Variants in ATP9A observed in about 807,000 individuals in gnomAD.
The protein encoded by ATP9A is probable phospholipid-transporting ATPase IIA.
In ATP9A, 52 loss-of-function variants were observed where a neutral mutation model predicts 144.1. That is an observed-to-expected ratio of 0.36 (90% CI 0.29 to 0.45). The LOEUF is 0.45. Among genes scored for constraint, ATP9A ranks in the 20% least tolerant of loss-of-function variants. The probability of loss-of-function intolerance (pLI) is 1.00; values close to 1 mark genes in which losing one functional copy is unlikely to be tolerated. For missense variants in ATP9A, 947 were observed against 1,392.7 expected (o/e 0.68, Z 5.09); for synonymous variants, 582 against 557.4 (o/e 1.04, Z -0.62).
chr20:51,685,904 G>A (rs1045968397), intron 9 of ATP9A, among the ~76,000 whole-genome samples: 1 of 152,180 alleles, frequency 6.6e-6, no homozygotes, highest in Non-Finnish European at 1.5e-5. Flanking sequence ...CTGCTATAAA[G>A]ACACATGCAC....
At chr20:51,676,240 AAAG>A in intron 9 of ATP9A, 32 bp from the exon 10 acceptor site, 1 of 1,523,864 alleles carries the variant, frequency 6.6e-7, no homozygotes, top group South Asian at 1.2e-5. Context: ...AAAAAAAAGA[AAAG>A]AAATATTAAT....
At chr20:51,642,734 A>C (rs1323012449) in intron 14 of ATP9A, among the ~76,000 whole-genome samples, 13 of 35,570 alleles carry the variant, frequency 3.7e-4, no homozygotes, top group South Asian at 1.6e-3. Flanking sequence ...TCCAAAAAAA[A>C]AAAAAAAAAA....
At chr20:51,602,858 G>A (rs1249943566) in intron 27 of ATP9A, among the ~76,000 whole-genome samples, 1 of 152,088 alleles carries the variant, frequency 6.6e-6, no homozygotes, top group Non-Finnish European at 1.5e-5. Context: ...GGTATACTGT[G>A]TATCTGTTTA....
At chr20:51,678,313 C>A (rs927117000) in intron 9 of ATP9A, among the ~76,000 whole-genome samples, 2 of 152,110 alleles carry the variant, frequency 1.3e-5, no homozygotes, top group Non-Finnish European at 2.9e-5. Flanking sequence ...GCTCTCTCCC[C>A]CTCACTCTCA....
chr20:51,670,801 C>T (rs189784540), intron 12 of ATP9A, among the ~76,000 whole-genome samples: 21 of 152,234 alleles, frequency 1.4e-4, no homozygotes, highest in Admixed American at 1.2e-3. Context: ...ACTATGCGCC[C>T]GTGACAAGTC....
intron 18 of ATP9A, among the ~76,000 whole-genome samples, chr20:51,624,029 G>A (rs1164959795): frequency 6.6e-6 from 1 of 152,144 alleles, no homozygotes; most frequent in African/African-American, 2.4e-5. Context: ...AGCAGAAAAT[G>A]GAAACTCCAG....
intron 13 of ATP9A, 52 bp downstream of exon 13, chr20:51,669,945 T>TAAAA: frequency 4.8e-6 from 5 of 1,032,460 alleles, no homozygotes; most frequent in Non-Finnish European, 7.2e-6. Flanking sequence ...ATATAGCTGT[T>TAAAA]AAAAAAAAAA....
chr20:51,756,942 GAC>G (rs2077859073), intron 1 of ATP9A, among the ~76,000 whole-genome samples: 1 of 151,904 alleles, frequency 6.6e-6, no homozygotes, highest in East Asian at 1.9e-4. Context: ...GACAGGATGA[GAC>G]ACCTTAAAAG....
At position 51,601,345 on chromosome 20, in the gene ATP9A, C is replaced by T. The variant is rs377617420; in HGVS notation, c.3010G>A (p.Val1004Met). ...AATGACAAGGTGGCGATGAAGTACACATCTGCAAGGAAAGGGGAAGACGGC... is the reference window on the plus strand; with the variant it reads ...AATGACAAGGTGGCGATGAAGTACATATCTGCAAGGAAAGGGGAAGACGGC... ...SLVFLHEFID[V>M]YFIATLSFLW... is the part of the protein sequence containing the mutation. Residue 1004 changes from valine to methionine, a missense_variant and splice_region_variant, in exon 28 of 28, where the codon GTG becomes ATG. Val to Met is a conservative substitution (Grantham distance 21). Around this residue, in one of 2 missense-constraint regions of ATP9A, gnomAD observed 177 missense variants for 344.9 expected, o/e 0.51. Coordinates refer to ENST00000338821, the MANE Select transcript of ATP9A (RefSeq NM_006045.3). 4 of 1,609,866 alleles carry T rather than the reference C, an allele frequency of 2.5e-6. No individual in the cohort carries two copies. Among genetic ancestry groups the T allele is most frequent in the Non-Finnish European group, 3.4e-6 (4 of 1,177,972 alleles).
chr20:51,766,052 T>C (rs375060324), intron 1 of ATP9A, among the ~76,000 whole-genome samples: 2 of 152,316 alleles, frequency 1.3e-5, no homozygotes, highest in South Asian at 4.1e-4. Flanking sequence ...TTAAATAAAA[T>C]TATCTGCACC....
intron 3 of ATP9A, among the ~76,000 whole-genome samples, chr20:51,720,562 G>A (rs964633406): frequency 4.6e-5 from 7 of 152,138 alleles, no homozygotes; most frequent in Admixed American, 1.3e-4. Flanking sequence ...TAGGCCTAGC[G>A]CAGTGGCTCA....
intron 26 of ATP9A, among the ~76,000 whole-genome samples, chr20:51,605,481 G>A (rs144431965): frequency 0.017 from 2,582 of 152,242 alleles, 33 homozygotes; most frequent in African/African-American, 0.035. Flanking sequence ...AGCCAGGCAT[G>A]GTGGCATGCA....
rs1429773721 is a variant in ATP9A, at chr20:51,671,165, G to C, written c.1130C>G (p.Thr377Arg). The C allele has an allele frequency of 6.2e-7, 1 of 1,613,982 alleles. No individual in the cohort carries two copies. Residue 377 changes from threonine to arginine, a missense_variant, in exon 12 of 28, where the codon ACG becomes AGG. By Grantham distance (71) the Thr-to-Arg change is moderately conservative (BLOSUM62 -1). Transcript: ENST00000338821. ...AATCCTGCCCAGCTGCTCAGGAATC[G>C]TGCTGGAGCGAACCACGGTCCCGGG... is the stretch of plus-strand genomic sequence containing the variant. ...KIPGTVVRSS[T>R]IPEQLGRISY...
chr20:51,768,355 G>A lies in ATP9A; in HGVS notation c.15C>T (p.Ile5=). The A allele has an allele frequency of 7.7e-7, 1 of 1,290,576 alleles. No individual in the cohort carries two copies. The highest frequency in any genetic ancestry group is 9.9e-7 in the Non-Finnish European group (1 of 1,008,824). The allele number at this position is 1,290,576 out of a possible 1,614,324, so 79.9% of individuals were successfully genotyped here. Reference sequence around the variant, plus strand: ...TCTTCTGGCGCACCGGCTGCAGCGGGATGTTGTCCGTCATGTCGGCGGCGC... The same window carrying A: ...TCTTCTGGCGCACCGGCTGCAGCGGAATGTTGTCCGTCATGTCGGCGGCGC... MTDN[I]PLQPVRQKKR... The change falls in exon 1 of 28, where the codon ATC becomes ATT. Residue 5 remains isoleucine, a synonymous_variant. Coordinates refer to ENST00000338821, the MANE Select transcript of ATP9A (RefSeq NM_006045.3).
At chr20:51,744,578 T>C (rs1425308364) in intron 1 of ATP9A, among the ~76,000 whole-genome samples, 1 of 152,232 alleles carries the variant, frequency 6.6e-6, no homozygotes, top group Non-Finnish European at 1.5e-5. Flanking sequence ...TTTCATACAA[T>C]CTGGCTGAAA....
rs533293510 is a variant in ATP9A, at chr20:51,730,096, G to T, written c.69-118C>A. 6 of 1,145,472 alleles carry T rather than the reference G, an allele frequency of 5.2e-6. No homozygotes were observed. The South Asian group carries it at 1.6e-4, about 30-fold the overall frequency. The allele number at this position is 1,145,472 out of a possible 1,614,324, so 71.0% of individuals were successfully genotyped here. On this transcript the variant is annotated intron_variant, in intron 1 of 27. Coordinates refer to ENST00000338821, the MANE Select transcript of ATP9A (RefSeq NM_006045.3). Reference sequence around the variant, plus strand: ...GCATCTTCTCTGGCTCAGGACCACAGCCATATTTGAGGCTTCATCTTTCAG... The same window carrying T: ...GCATCTTCTCTGGCTCAGGACCACATCCATATTTGAGGCTTCATCTTTCAG...
intron 1 of ATP9A, among the ~76,000 whole-genome samples, chr20:51,753,152 A>G (rs1418687904): frequency 6.6e-6 from 1 of 152,204 alleles, no homozygotes; most frequent in Non-Finnish European, 1.5e-5. Context: ...CATTACTTGT[A>G]AAGTGAAAAT....
At chr20:51,632,006 T>C (rs1360843855) in intron 15 of ATP9A, among the ~76,000 whole-genome samples, 1 of 152,266 alleles carries the variant, frequency 6.6e-6, no homozygotes, top group African/African-American at 2.4e-5. Context: ...AGACCCAAAC[T>C]GGGGCTGTCC....
At chr20:51,693,868 A>G in intron 7 of ATP9A, 140 bp downstream of exon 7, 2 of 691,980 alleles carry the variant, frequency 2.9e-6, no homozygotes, top group East Asian at 5.7e-5. Context: ...AACTAGGCCC[A>G]GGGGCTCTCC....
Sources: gnomAD v4.1 joint callset for allele counts (sites outside exome capture counted in the v4.1 genomes callset) on GRCh38, gnomAD v4.1.1 for gene constraint, gnomAD v4.1.1 regional missense constraint, MANE v1.5 for transcripts, NCBI Gene and HGNC (gene_info 2026-07-23, HGNC 2026-07-21) for gene names.